The following ARHGAP5 variants were observed in gnomAD, a reference collection of about 807,000 sequenced individuals.
The protein encoded by ARHGAP5 is rho GTPase-activating protein 5.
A neutral mutation model predicts 116.6 loss-of-function variants in ARHGAP5; 23 were observed. That is an observed-to-expected ratio of 0.20 (90% CI 0.14 to 0.28). The LOEUF (loss-of-function observed/expected upper bound fraction) is 0.28, where lower values mean the gene tolerates loss of function less well. ARHGAP5 is among the 10% of genes least tolerant of loss of function. The pLI is 1.00. For missense variants in ARHGAP5, 1,405 were observed against 1,774.8 expected (o/e 0.79, Z 3.74); for synonymous variants, 574 against 602.0 (o/e 0.95, Z 0.68).
intron 2 of ARHGAP5, among the ~76,000 whole-genome samples, chr14:32,112,552 T>C (rs1879366017): frequency 6.6e-6 from 1 of 152,222 alleles, no homozygotes; most frequent in African/African-American, 2.4e-5. Context: ...GAAGTTCAGA[T>C]ATGAATGAAT....
At chr14:32,140,115 C>CTTTTTTTTTTTTTTTTTTTT (rs376976211) in intron 3 of ARHGAP5, among the ~76,000 whole-genome samples, 18 of 25,436 alleles carry the variant, frequency 7.1e-4, no homozygotes, top group East Asian at 1.3e-3. Flanking sequence ...TTTTTTTTTC[C>CTTTTTTTTTTTTTTTTTTTT]TTTTTTTTTT....
chr14:32,136,457 T>C (rs2139117546), intron 3 of ARHGAP5, among the ~76,000 whole-genome samples: 1 of 152,360 alleles, frequency 6.6e-6, no homozygotes, highest in South Asian at 2.1e-4. Flanking sequence ...TATTTCTTTT[T>C]ATGATTTATA....
intron 3 of ARHGAP5, among the ~76,000 whole-genome samples, chr14:32,136,321 T>G (rs1880795426): frequency 6.6e-6 from 1 of 152,194 alleles, no homozygotes; most frequent in African/African-American, 2.4e-5. Flanking sequence ...CCAATCTGCT[T>G]TCTCTTTAAG....
intron 1 of ARHGAP5, among the ~76,000 whole-genome samples, chr14:32,079,046 G>A (rs1188598893): frequency 6.6e-6 from 1 of 152,124 alleles, no homozygotes; most frequent in East Asian, 1.9e-4. Flanking sequence ...TACAAAGAGC[G>A]GTAAGTATGT....
At chr14:32,094,714 C>A (rs936484963) in intron 2 of ARHGAP5, among the ~76,000 whole-genome samples, 1 of 152,080 alleles carries the variant, frequency 6.6e-6, no homozygotes, top group African/African-American at 2.4e-5. Flanking sequence ...TTCTGCCCTA[C>A]CAGTTTTGCG....
intron 6 of ARHGAP5, among the ~76,000 whole-genome samples, chr14:32,152,754 A>AT (rs1292666738): frequency 2.6e-4 from 40 of 152,306 alleles, no homozygotes; most frequent in African/African-American, 8.7e-4. Context: ...TTTTTACCAC[A>AT]TTCTCTGTAA....
chr14:32,126,757 T>C (rs1253311873), intron 3 of ARHGAP5, among the ~76,000 whole-genome samples: 1 of 152,164 alleles, frequency 6.6e-6, no homozygotes, highest in Non-Finnish European at 1.5e-5. Flanking sequence ...TTTTCTTTCA[T>C]TTATTGATGT....
At chr14:32,144,645 A>C (rs977451676) in intron 3 of ARHGAP5, among the ~76,000 whole-genome samples, 3 of 151,858 alleles carry the variant, frequency 2.0e-5, no homozygotes, top group Non-Finnish European at 4.4e-5. Context: ...CACCATGCCT[A>C]GCTAATATTT....
Position 32,129,700 on chromosome 14 carries a change from A to G in ARHGAP5, c.3865+12413A>G, listed in dbSNP as rs773439315. Reference sequence around the variant, plus strand: ...TACAACACTTTTTCACTAAATATCAATCCCTTGTTTCTCCTGCCCTACCTT... The same window carrying G: ...TACAACACTTTTTCACTAAATATCAGTCCCTTGTTTCTCCTGCCCTACCTT... On this transcript the variant is annotated intron_variant, in intron 3 of 6. Coordinates refer to ENST00000345122, the MANE Select transcript of ARHGAP5 (RefSeq NM_001030055.2). 3.3e-4 allele frequency among the ~76,000 whole-genome samples: 50 copies of G among 151,924 alleles called. 1 individual carries two copies. The highest frequency in any genetic ancestry group is 6.2e-4 in the South Asian group (3 of 4,816).
At chr14:32,140,115 C>CTTTT (rs376976211) in intron 3 of ARHGAP5, among the ~76,000 whole-genome samples, 6 of 25,430 alleles carry the variant, frequency 2.4e-4, no homozygotes, top group African/African-American at 4.8e-4. Context: ...TTTTTTTTTC[C>CTTTT]TTTTTTTTTT....
rs538491774 is a variant in ARHGAP5 at position 32,157,475 on chromosome 14, A to G, written c.*2527A>G. The G allele has an allele frequency of 6.6e-6, 1 of 152,358 alleles. No individual in the cohort carries two copies. The highest frequency in any genetic ancestry group is 1.9e-4 in the East Asian group (1 of 5,186). The allele number at this position is 152,358 out of a possible 1,614,324, so 9.4% of individuals were successfully genotyped here. ...AAATTTCATCTACACACATGTTGCC[A>G]TTGTTTCATTTAAGGTTCAGTGCTT... On this transcript the variant is annotated 3_prime_UTR_variant, in exon 7 of 7. Transcript: ENST00000345122.
At chr14:32,140,320 G>T (rs186447483) in intron 3 of ARHGAP5, among the ~76,000 whole-genome samples, 1 of 151,682 alleles carries the variant, frequency 6.6e-6, no homozygotes, top group African/African-American at 2.4e-5. Flanking sequence ...AGTGGCCCAC[G>T]CCTGTGATCC....
At chr14:32,120,324 A>G (rs1053245448) in intron 3 of ARHGAP5, among the ~76,000 whole-genome samples, 1 of 151,836 alleles carries the variant, frequency 6.6e-6, no homozygotes, top group African/African-American at 2.4e-5. Context: ...GTTGTGGTTG[A>G]GGTTTATCAA....
At chr14:32,097,065 C>G (rs956675896) in intron 2 of ARHGAP5, among the ~76,000 whole-genome samples, 2 of 152,142 alleles carry the variant, frequency 1.3e-5, no homozygotes, top group African/African-American at 4.8e-5. Context: ...GAGTGAGTAT[C>G]TGTACAGTTC....
intron 3 of ARHGAP5, among the ~76,000 whole-genome samples, chr14:32,117,980 A>G (rs1879689232): frequency 6.6e-6 from 1 of 152,204 alleles, no homozygotes. Context: ...GACTGAATGT[A>G]CTACACATTT....
At chr14:32,083,922 A>G (rs980539799) in intron 1 of ARHGAP5, among the ~76,000 whole-genome samples, 2 of 152,224 alleles carry the variant, frequency 1.3e-5, no homozygotes, top group Non-Finnish European at 2.9e-5. Context: ...ACCTTTATAC[A>G]TTGAAAATCT....
rs548346567 is a variant in ARHGAP5, at chr14:32,091,553, A to G, written c.884A>G (p.Asn295Ser). ...DYHATWKTVSNKLKNHPDYEE... is the reference protein window; with the variant it reads ...DYHATWKTVSSKLKNHPDYEE... ...CATGCAACTTGGAAAACTGTTAGTAATAAATTAAAAAATCATCCTGATTAT... is the reference window on the plus strand; with the variant it reads ...CATGCAACTTGGAAAACTGTTAGTAGTAAATTAAAAAATCATCCTGATTAT... Residue 295 changes from asparagine (N) to serine (S), a missense_variant, in exon 2 of 7, where the codon AAT becomes AGT. Coordinates refer to ENST00000345122, the MANE Select transcript of ARHGAP5 (RefSeq NM_001030055.2). The G allele has an allele frequency of 6.2e-7, 1 of 1,612,274 alleles. No homozygotes were observed. Among genetic ancestry groups the G allele is most frequent in the Non-Finnish European group, 8.5e-7 (1 of 1,179,360 alleles).
In ARHGAP5 at chr14:32,077,369, T is replaced by A; in HGVS notation, c.-235T>A. ...GCGGCGGGAGCGGTCCCCAGGAATG[T>A]CGCTGCCGCCGCCACCGCCGGGGCC... is the stretch of plus-strand genomic sequence containing the variant. On this transcript the variant is annotated 5_prime_UTR_variant, in exon 1 of 7. Coordinates refer to ENST00000345122, the MANE Select transcript of ARHGAP5 (RefSeq NM_001030055.2). 1 of 620,988 alleles carries A rather than the reference T, an allele frequency of 1.6e-6. No homozygotes were observed. The highest frequency in any genetic ancestry group is 1.5e-5 in the South Asian group (1 of 66,408). 38.5% of individuals were successfully genotyped at this position (620,988 alleles called of 1,614,324 possible). A position where few individuals can be genotyped will look rare whatever the true frequency, so the allele number is the denominator to read the frequency against.
At chr14:32,111,666 A>G (rs761568441) in intron 2 of ARHGAP5, among the ~76,000 whole-genome samples, 5 of 152,120 alleles carry the variant, frequency 3.3e-5, no homozygotes, top group Non-Finnish European at 5.9e-5. Context: ...GGTGTGTATA[A>G]TAAGAATGAT....
Sources: gnomAD v4.1 joint callset for allele counts (sites outside exome capture counted in the v4.1 genomes callset) on GRCh38, gnomAD v4.1.1 for gene constraint, MANE v1.5 for transcripts, NCBI Gene and HGNC (gene_info 2026-07-23, HGNC 2026-07-21) for gene names.